The following RTN1 variants were observed in gnomAD, a reference collection of about 807,000 sequenced individuals.
The protein encoded by RTN1 is reticulon 1.
Under a neutral mutation model 65.5 loss-of-function variants are expected in RTN1, and 25 were observed. The observed-to-expected ratio is 0.38, with a 90% CI of 0.28 to 0.53. The LOEUF (loss-of-function observed/expected upper bound fraction) is 0.53. RTN1 is among the 20% of genes least tolerant of loss of function. The pLI, the probability that RTN1 is intolerant of heterozygous loss-of-function variation, is 0.79. For synonymous variants in RTN1, 471 were observed against 447.6 expected, an observed-to-expected ratio of 1.05 and a Z score of -0.66; for missense variants, 983 against 1,025.4, an observed-to-expected ratio of 0.96 and a Z score of 0.57.
chr14:59,785,762 C>T (rs527819648), intron 1 of RTN1, among the ~76,000 whole-genome samples: 25 of 152,262 alleles, frequency 1.6e-4, no homozygotes, highest in Admixed American at 4.6e-4. Flanking sequence ...TCCCCAGAGG[C>T]TGAGTGAATG....
chr14:59,845,164 CA>C (rs1227027980), intron 1 of RTN1, among the ~76,000 whole-genome samples: 1 of 152,146 alleles, frequency 6.6e-6, no homozygotes, highest in African/African-American at 2.4e-5. Context: ...TACAGTGTTG[CA>C]AAAGCACTAG....
chr14:59,785,304 T>C (rs1242838853), intron 1 of RTN1, among the ~76,000 whole-genome samples: 1 of 152,270 alleles, frequency 6.6e-6, no homozygotes, highest in Admixed American at 6.5e-5. Context: ...TCTGAATTCT[T>C]CCTGCGTCAT....
chr14:59,854,872 A>C (rs1211674147), intron 1 of RTN1, among the ~76,000 whole-genome samples: 1 of 152,212 alleles, frequency 6.6e-6, no homozygotes, highest in Non-Finnish European at 1.5e-5. Context: ...ATTGAGATTA[A>C]GGATAGGATT....
intron 3 of RTN1, chr14:59,630,428 C>A: frequency 6.2e-7 from 1 of 1,613,274 alleles, no homozygotes; most frequent in Non-Finnish European, 8.5e-7. Context: ...GCATGCACTA[C>A]TGAAATAAAG....
At chr14:59,625,235 T>C (rs778014819) in intron 3 of RTN1, among the ~76,000 whole-genome samples, 1 of 152,224 alleles carries the variant, frequency 6.6e-6, no homozygotes, top group Non-Finnish European at 1.5e-5. Flanking sequence ...CGTTTTTTAA[T>C]GAAACAAGTA....
chr14:59,693,602 T>C (rs772836957), intron 3 of RTN1, among the ~76,000 whole-genome samples: 2 of 152,210 alleles, frequency 1.3e-5, no homozygotes, highest in Non-Finnish European at 2.9e-5. Flanking sequence ...AGTGAGAATA[T>C]ACAATGTTTG....
Position 59,627,910 on chromosome 14 carries a change from G to A in RTN1, c.1766-20418C>T, listed in dbSNP as rs1216178789. Among the ~76,000 whole-genome samples the A allele has an allele frequency of 6.6e-5, 10 of 152,148 alleles. No individual in the cohort carries two copies. In the East Asian group the frequency reaches 1.5e-3, roughly 24 times the overall value. On this transcript the variant is annotated intron_variant, in intron 3 of 8. Coordinates refer to ENST00000267484, the MANE Select transcript of RTN1 (RefSeq NM_021136.3). ...ACTTGTCCCTCCTAATCCTTCTGGA[G>A]GACATCATCAACAGTGTTGCACTGA...
intron 1 of RTN1, among the ~76,000 whole-genome samples, chr14:59,761,088 TA>T (rs1356487360): frequency 1.3e-5 from 2 of 152,210 alleles, no homozygotes; most frequent in Admixed American, 1.3e-4. Context: ...TGCCGGTACA[TA>T]AGTTGTCAGT....
At chr14:59,789,313 C>G (rs1272130745) in intron 1 of RTN1, among the ~76,000 whole-genome samples, 1 of 152,118 alleles carries the variant, frequency 6.6e-6, no homozygotes, top group Non-Finnish European at 1.5e-5. Flanking sequence ...AATGGGAGAA[C>G]ATTTAATGTT....
At chr14:59,702,489 G>T (rs925915569) in intron 3 of RTN1, among the ~76,000 whole-genome samples, 1 of 152,134 alleles carries the variant, frequency 6.6e-6, no homozygotes, top group African/African-American at 2.4e-5. Flanking sequence ...ATTTCATTCA[G>T]TTGCAAGGCT....
At position 59,870,348 on chromosome 14, in the gene RTN1, T is replaced by C; in HGVS notation, c.241+42A>G. On this transcript the variant is annotated intron_variant, in intron 1 of 8. Coordinates refer to ENST00000267484, the MANE Select transcript of RTN1 (RefSeq NM_021136.3). The surrounding 1 kb of genome is among the most constrained non-coding windows in gnomAD (Gnocchi z 5.1). ...CAGAAGGGGACTGACTGGGGGGCCCTGGTCCCCGACGCCATTTGAGGGGCA... is the reference window on the plus strand; with the variant it reads ...CAGAAGGGGACTGACTGGGGGGCCCCGGTCCCCGACGCCATTTGAGGGGCA... The C allele has an allele frequency of 6.9e-7, 1 of 1,452,558 alleles. No homozygotes were observed. Among genetic ancestry groups the C allele is most frequent in the East Asian group, 2.8e-5 (1 of 36,236 alleles). The allele number at this position is 1,452,558 out of a possible 1,614,324, so 90.0% of individuals were successfully genotyped here. A position where few individuals can be genotyped will look rare whatever the true frequency, so the allele number is the denominator to read the frequency against.
chr14:59,731,639 C>T (rs1234419829), intron 2 of RTN1, among the ~76,000 whole-genome samples: 1 of 152,154 alleles, frequency 6.6e-6, no homozygotes, highest in Non-Finnish European at 1.5e-5. Flanking sequence ...TACATCATTT[C>T]ACTCTGGATT....
chr14:59,613,058 C>T (rs926206792), intron 3 of RTN1, among the ~76,000 whole-genome samples: 4 of 152,142 alleles, frequency 2.6e-5, no homozygotes, highest in African/African-American at 9.7e-5. Context: ...AATTTCCTCT[C>T]TTGAATTTTC....
At position 59,799,637 on chromosome 14, in the gene RTN1, G is replaced by A. The variant is rs59138770; in HGVS notation, c.242-53156C>T. ...ATGGAGAGTTCACATTCTTCTCCAT[G>A]GATTCTCATTTGGTGCTCACAAGAA... On this transcript the variant is annotated intron_variant, in intron 1 of 8. Transcript: ENST00000267484. 2.7e-3 allele frequency among the ~76,000 whole-genome samples: 412 copies of A among 152,330 alleles called. 3 individuals are homozygous for A. The highest frequency in any genetic ancestry group is 9.4e-3 in the African/African-American group (392 of 41,578).
In RTN1 at chr14:59,832,508, T is replaced by C. The variant is rs1887143218; in HGVS notation, c.241+37882A>G. Among the ~76,000 whole-genome samples the C allele has an allele frequency of 2.0e-5, 3 of 152,170 alleles. No homozygotes were observed. In the South Asian group the frequency reaches 6.2e-4, roughly 32 times the overall value. ...TTACAGCAGGCCAGAGGCCTGATGT[T>C]CCAGAGGACAATGCATTTGTTTATT... On this transcript the variant is annotated intron_variant, in intron 1 of 8. Coordinates refer to ENST00000267484, the MANE Select transcript of RTN1 (RefSeq NM_021136.3).
intron 1 of RTN1, among the ~76,000 whole-genome samples, chr14:59,780,764 G>A (rs1023596284): frequency 1.3e-5 from 2 of 152,220 alleles, no homozygotes; most frequent in Non-Finnish European, 2.9e-5. Context: ...TGGTAGTAGT[G>A]AATCCAATTG....
At chr14:59,613,035 A>G (rs149333205) in intron 3 of RTN1, among the ~76,000 whole-genome samples, 11 of 152,284 alleles carry the variant, frequency 7.2e-5, no homozygotes, top group African/African-American at 2.6e-4. Context: ...TCTTCCCCCC[A>G]TACTTAGCTT....
intron 1 of RTN1, among the ~76,000 whole-genome samples, chr14:59,856,357 A>C (rs932938636): frequency 1.3e-5 from 2 of 152,206 alleles, no homozygotes; most frequent in Non-Finnish European, 2.9e-5. Context: ...TTAGCCCTGT[A>C]CTGGCGGGTA....
intron 1 of RTN1, among the ~76,000 whole-genome samples, chr14:59,798,864 A>T (rs1210363435): frequency 6.6e-6 from 1 of 152,200 alleles, no homozygotes; most frequent in Non-Finnish European, 1.5e-5. Flanking sequence ...TAATAAATTT[A>T]CAGATAAAAA....
Sources: allele counts gnomAD v4.1 joint callset (sites outside exome capture counted in the v4.1 genomes callset), GRCh38; gene constraint gnomAD v4.1.1; non-coding constraint Gnocchi (gnomAD v3.1); transcripts MANE v1.5; gene names NCBI Gene and HGNC (gene_info 2026-07-23, HGNC 2026-07-21).